The following RELN variants were observed in gnomAD, a reference collection of about 807,000 sequenced individuals.
RELN encodes reelin.
A neutral mutation model predicts 427.6 loss-of-function variants in RELN; 108 were observed. The observed-to-expected ratio is 0.25, with a 90% CI of 0.22 to 0.30. The LOEUF is 0.30. Ranked by LOEUF, RELN falls within the 10% of genes least tolerant of loss-of-function variation. The pLI, the probability that RELN is intolerant of heterozygous loss-of-function variation, is 1.00. For synonymous variants in RELN, 1,524 were observed against 1,513.4 expected, an observed-to-expected ratio of 1.01 and a Z score of -0.16; for missense variants, 3,715 against 4,302.8, an observed-to-expected ratio of 0.86 and a Z score of 3.82.
In RELN at chr7:103,566,274, T is replaced by A. The variant is rs1332046962; in HGVS notation, c.4886A>T (p.Asp1629Val). 1 of 1,614,086 alleles carries A rather than the reference T, an allele frequency of 6.2e-7. No homozygotes were observed. The highest frequency in any genetic ancestry group is 1.7e-5 in the Admixed American group (1 of 60,020). Residue 1629 changes from aspartate to valine, a missense_variant, in exon 33 of 65, where the codon GAT becomes GTT. This residue lies in a region of RELN where 2,208 missense variants were observed against 2,361.7 expected (regional missense o/e 0.93). Transcript: ENST00000428762. ...AGTATCCATAGAGAGACAGTCAATA[T>A]CAACTTGACCTCCTTGGATTCGATA... Reference protein sequence around the residue: ...NWYRIQGGQVDIDCLSMDTAL... With the variant: ...NWYRIQGGQVVIDCLSMDTAL...
chr7:103,814,970 A>C (rs1314786188), intron 3 of RELN, among the ~76,000 whole-genome samples: 2 of 152,248 alleles, frequency 1.3e-5, no homozygotes, highest in Non-Finnish European at 2.9e-5. Flanking sequence ...GGACAGTTGC[A>C]AAGTCAATTA....
intron 2 of RELN, among the ~76,000 whole-genome samples, chr7:103,847,050 T>C (rs1393706236): frequency 6.6e-6 from 1 of 152,146 alleles, no homozygotes. Flanking sequence ...ACCATTTGAC[T>C]CAGCAATCCC....
chr7:103,582,169 A>C (rs527441663), intron 28 of RELN, among the ~76,000 whole-genome samples: 2 of 152,364 alleles, frequency 1.3e-5, no homozygotes, highest in Admixed American at 1.3e-4. Flanking sequence ...CTGGATCCAG[A>C]GATGGAAGTC....
chr7:103,492,123 T>C, intron 57 of RELN, 97 bp from the exon 58 acceptor site: 1 of 961,686 alleles, frequency 1.0e-6, no homozygotes, highest in Non-Finnish European at 1.6e-6. Flanking sequence ...CTCTGATAGG[T>C]AATATTCAGA....
Position 103,551,161 on chromosome 7 carries a change from A to G in RELN, c.6208T>C (p.Ser2070Pro). 6.2e-7 allele frequency: 1 copy of G among 1,613,918 alleles called. No individual in the cohort carries two copies. Among genetic ancestry groups the G allele is most frequent in the Non-Finnish European group, 8.5e-7 (1 of 1,179,982 alleles). The part of the protein sequence containing the change: ...HSSSHVSSLC[S>P]TEHHPSSTYY... ...GTGCTGCTGGGGTGGTGCTCGGTGG[A>G]GCATAAAGAGCTGACGTGGCTGCTG... Residue 2070 changes from serine (S) to proline (P), a missense_variant, in exon 41 of 65, where the codon TCC becomes CCC. Coordinates refer to ENST00000428762, the MANE Select transcript of RELN (RefSeq NM_005045.4).
At chr7:103,754,830 G>A (rs1012067130) in intron 4 of RELN, among the ~76,000 whole-genome samples, 6 of 152,032 alleles carry the variant, frequency 3.9e-5, no homozygotes, top group South Asian at 4.1e-4. Flanking sequence ...TATATTTAAC[G>A]GACAGGTGGA....
chr7:103,820,205 T>A (rs1314373998), intron 3 of RELN, among the ~76,000 whole-genome samples: 1 of 152,080 alleles, frequency 6.6e-6, no homozygotes, highest in Non-Finnish European at 1.5e-5. Flanking sequence ...TATTTGGATT[T>A]ATTTATAAAA....
At chr7:103,802,823 A>T (rs1792501908) in intron 3 of RELN, among the ~76,000 whole-genome samples, 1 of 152,124 alleles carries the variant, frequency 6.6e-6, no homozygotes, top group Non-Finnish European at 1.5e-5. Flanking sequence ...TAGATATAAG[A>T]ATTCCTGCAA....
intron 51 of RELN, among the ~76,000 whole-genome samples, chr7:103,505,596 A>G (rs192309257): frequency 1.3e-5 from 2 of 152,338 alleles, no homozygotes; most frequent in East Asian, 1.9e-4. Flanking sequence ...AGGTAGATAA[A>G]TCCACGAAGA....
chr7:103,738,344 C>T (rs1790546345), intron 6 of RELN, among the ~76,000 whole-genome samples: 1 of 151,974 alleles, frequency 6.6e-6, no homozygotes, highest in South Asian at 2.1e-4. Flanking sequence ...CAGTCTCTCT[C>T]TGTCTCAAGT....
At chr7:103,666,272 AC>A (rs893839748) in intron 11 of RELN, among the ~76,000 whole-genome samples, 4 of 151,854 alleles carry the variant, frequency 2.6e-5, no homozygotes, top group African/African-American at 4.8e-5. Context: ...ATGTTTTGTC[AC>A]GTTGCCCAGG....
chr7:103,602,777 C>T (rs906961507), intron 24 of RELN, among the ~76,000 whole-genome samples: 22 of 152,006 alleles, frequency 1.4e-4, no homozygotes, highest in African/African-American at 5.3e-4. Flanking sequence ...ACGTGTATAC[C>T]TATGTAACAA....
chr7:103,848,193 C>T (rs946834228), intron 2 of RELN, among the ~76,000 whole-genome samples: 3 of 152,076 alleles, frequency 2.0e-5, no homozygotes, highest in Non-Finnish European at 4.4e-5. Context: ...TCATGCTCAG[C>T]GTGGGTGATC....
intron 1 of RELN, among the ~76,000 whole-genome samples, chr7:103,943,656 G>T: frequency 6.6e-6 from 1 of 151,892 alleles, no homozygotes; most frequent in East Asian, 1.9e-4. Flanking sequence ...TTTGAGACCA[G>T]CTTGGCCAAC....
chr7:103,597,502 C>T (rs746926173), intron 24 of RELN, among the ~76,000 whole-genome samples: 12 of 152,112 alleles, frequency 7.9e-5, no homozygotes, highest in Non-Finnish European at 1.8e-4. Flanking sequence ...ATTCAGGAGG[C>T]TGAGGCAGGA....
chr7:103,487,321 G>C (rs538812136), intron 60 of RELN, among the ~76,000 whole-genome samples: 180 of 151,568 alleles, frequency 1.2e-3, no homozygotes, highest in Middle Eastern at 0.01. Context: ...GGATTGATGG[G>C]TGCAGCAAAC....
chr7:103,906,350 A>C (rs1268388840), intron 2 of RELN, among the ~76,000 whole-genome samples: 1 of 152,024 alleles, frequency 6.6e-6, no homozygotes, highest in Non-Finnish European at 1.5e-5. Flanking sequence ...AAATAAGGAG[A>C]ATTATAGTAG....
At position 103,769,034 on chromosome 7, in the gene RELN, C is replaced by A. The variant is rs76822012; in HGVS notation, c.544+7523G>T. Among the ~76,000 whole-genome samples, 1,284 of 152,322 alleles carry A rather than the reference C, an allele frequency of 8.4e-3. 25 individuals are homozygous for A. The highest frequency in any genetic ancestry group is 0.03 in the African/African-American group (1,231 of 41,562). Reference sequence around the variant, plus strand: ...ATTAAACATTCACAATTTTACCCCACTGATCTACTTCTGCTTTTTATTTCA... The same window carrying A: ...ATTAAACATTCACAATTTTACCCCAATGATCTACTTCTGCTTTTTATTTCA... On this transcript the variant is annotated intron_variant, in intron 4 of 64. Transcript: ENST00000428762.
intron 57 of RELN, 46 bp downstream of exon 57, chr7:103,495,677 C>T: frequency 6.3e-7 from 1 of 1,583,206 alleles, no homozygotes; most frequent in East Asian, 2.2e-5. Flanking sequence ...CCTCGAGGCC[C>T]CAAATGCAAT....
Sources: allele counts gnomAD v4.1 joint callset (sites outside exome capture counted in the v4.1 genomes callset), GRCh38; gene constraint gnomAD v4.1.1; regional missense constraint gnomAD v4.1.1; transcripts MANE v1.5; gene names NCBI Gene and HGNC (gene_info 2026-07-23, HGNC 2026-07-21).